Variants in DNAI2 observed in about 807,000 individuals in gnomAD.
The protein encoded by DNAI2 is dynein axonemal intermediate chain 2.
DNAI2 carries 63 observed loss-of-function variants against 74.7 expected under a neutral mutation model. The ratio of observed to expected loss-of-function variants is 0.84; its 90% CI spans 0.69 to 1.04. DNAI2 has a LOEUF of 1.04. DNAI2 is among the 50% of genes least tolerant of loss of function. The probability of loss-of-function intolerance (pLI) is 0.00; values close to 1 mark genes in which losing one functional copy is unlikely to be tolerated. For synonymous variants in DNAI2, 289 were observed against 314.9 expected, an observed-to-expected ratio of 0.92 and a Z score of 0.87; for missense variants, 688 against 803.2, an observed-to-expected ratio of 0.86 and a Z score of 1.73.
At chr17:74,302,428 G>A (rs1375410009) in intron 8 of DNAI2, among the ~76,000 whole-genome samples, 2 of 152,086 alleles carry the variant, frequency 1.3e-5, no homozygotes, top group African/African-American at 2.4e-5. Context: ...TTAGCTGGGC[G>A]TGGAGGCGCA....
intron 6 of DNAI2, among the ~76,000 whole-genome samples, chr17:74,292,852 C>A (rs144859959): frequency 6.9e-6 from 1 of 145,732 alleles, no homozygotes; most frequent in African/African-American, 2.5e-5. Context: ...TTTTTTGGGA[C>A]GGAGTCTTGC....
chr17:74,281,756 G>T (rs1450960328), intron 1 of DNAI2, 51 bp from the exon 2 acceptor site: 2 of 1,592,008 alleles, frequency 1.3e-6, no homozygotes, highest in Non-Finnish European at 1.7e-6. Context: ...TGTGGAGATA[G>T]GGAAGGGGCC....
chr17:74,309,913 T>G, intron 10 of DNAI2, 104 bp from the exon 11 acceptor site: 1 of 1,506,240 alleles, frequency 6.6e-7, no homozygotes. Context: ...CTGAGGATGT[T>G]TGAATAGGGC....
At chr17:74,306,852 A>C (rs2053218091) in intron 9 of DNAI2, among the ~76,000 whole-genome samples, 1 of 152,224 alleles carries the variant, frequency 6.6e-6, no homozygotes, top group African/African-American at 2.4e-5. Flanking sequence ...TCCTGACCTC[A>C]GGTGATTCGC....
chr17:74,309,619 T>TG (rs1014288211), intron 10 of DNAI2: 7 of 706,388 alleles, frequency 9.9e-6, no homozygotes, highest in East Asian at 8.2e-5. Flanking sequence ...CAGAACCACC[T>TG]GGGGGAAATT....
intron 6 of DNAI2, among the ~76,000 whole-genome samples, chr17:74,293,667 G>T (rs1251041509): frequency 1.3e-5 from 2 of 151,652 alleles, no homozygotes; most frequent in African/African-American, 2.4e-5. Context: ...TCATGCCACT[G>T]AACTCCAGCC....
intron 7 of DNAI2, 24 bp from the exon 8 acceptor site, chr17:74,301,022 C>T: frequency 6.2e-7 from 1 of 1,613,360 alleles, no homozygotes; most frequent in Non-Finnish European, 8.5e-7. Flanking sequence ...CTCGAAGTCT[C>T]ACTGTCGCCC....
At chr17:74,313,345 G>C (rs537728615) in intron 12 of DNAI2, among the ~76,000 whole-genome samples, 60 of 152,122 alleles carry the variant, frequency 3.9e-4, no homozygotes, top group Non-Finnish European at 7.8e-4. Flanking sequence ...GGGGTACTTG[G>C]TTATGAGATG....
At chr17:74,276,548 T>C (rs1384132582) in intron 1 of DNAI2, among the ~76,000 whole-genome samples, 1 of 152,210 alleles carries the variant, frequency 6.6e-6, no homozygotes, top group Non-Finnish European at 1.5e-5. Flanking sequence ...CTGACCTTGC[T>C]ATTCATCTGT....
At chr17:74,290,937 C>A in intron 5 of DNAI2, 83 bp from the exon 6 acceptor site, 1 of 1,225,610 alleles carries the variant, frequency 8.2e-7, no homozygotes, top group Middle Eastern at 1.9e-4. Flanking sequence ...GCCCCCGCTA[C>A]CCACCCGCAG....
chr17:74,299,927 A>G, intron 7 of DNAI2, 70 bp downstream of exon 7: 1 of 1,598,534 alleles, frequency 6.3e-7, no homozygotes, highest in East Asian at 2.2e-5. Flanking sequence ...GTTCCCCATC[A>G]GAACCCCTGG....
intron 7 of DNAI2, 121 bp downstream of exon 7, chr17:74,299,978 C>A: frequency 6.9e-7 from 1 of 1,439,496 alleles, no homozygotes; most frequent in Non-Finnish European, 9.4e-7. Context: ...GATGGAGTTT[C>A]ACTCTTGTTG....
rs1420838322 is a variant in DNAI2, at chr17:74,301,102, C to T, written c.921C>T (p.Asp307=). The change falls in exon 8 of 14, where the codon GAC becomes GAT. Residue 307 remains aspartate, a synonymous_variant. Coordinates refer to ENST00000311014, the MANE Select transcript of DNAI2 (RefSeq NM_023036.6). Reference sequence around the variant, plus strand: ...AGCCCACTGAAGTTGTGATCTTGGACATCACCAAGAAGGAACAGTTGGAAA... The same window carrying T: ...AGCCCACTGAAGTTGTGATCTTGGATATCACCAAGAAGGAACAGTTGGAAA... ...MSEPTEVVIL[D]ITKKEQLENA... The T allele has an allele frequency of 4.3e-6, 7 of 1,614,012 alleles. No homozygotes were observed. Among genetic ancestry groups the T allele is most frequent in the Non-Finnish European group, 5.1e-6 (6 of 1,180,000 alleles).
intron 10 of DNAI2, 118 bp from the exon 11 acceptor site, chr17:74,309,899 C>T (rs554124252): frequency 4.5e-6 from 6 of 1,327,320 alleles, no homozygotes; most frequent in African/African-American, 2.9e-5. Context: ...TGGGCAGAGG[C>T]GTCCTGAGGA....
Position 74,300,726 on chromosome 17 carries a change from G to A in DNAI2, c.865-320G>A, listed in dbSNP as rs1034707027. ...GCACACATGCATTTTTAACATTGCC[G>A]GATATTGCCTTATTGTGGGGAGTCT... On this transcript the variant is annotated intron_variant, in intron 7 of 13. Coordinates refer to ENST00000311014, the MANE Select transcript of DNAI2 (RefSeq NM_023036.6). This position sits in a 1 kb window ranked among gnomAD's most constrained non-coding sequence, Gnocchi z 4.5. 1.3e-5 allele frequency among the ~76,000 whole-genome samples: 2 copies of A among 152,150 alleles called. No individual in the cohort carries two copies. Among genetic ancestry groups the A allele is most frequent in the African/African-American group, 4.8e-5 (2 of 41,434 alleles).
chr17:74,287,734 C>G (rs934978854), intron 4 of DNAI2, among the ~76,000 whole-genome samples: 2 of 152,234 alleles, frequency 1.3e-5, no homozygotes, highest in African/African-American at 4.8e-5. Context: ...GCGGGTGCAT[C>G]ACCTGAGGTC....
At position 74,285,174 on chromosome 17, in the gene DNAI2, C is replaced by T. The variant is rs764812763; in HGVS notation, c.318C>T (p.Tyr106=). ...FRKKVEKDEN[Y]VNAIMQLGSI... is the part of the protein sequence containing the mutation. ...AGAAAGTGGAGAAAGATGAGAACTA[C>T]GTTAACGCCATCATGCAGCTCGGCT... is the stretch of plus-strand genomic sequence containing the variant. The change falls in exon 3 of 14, where the codon TAC becomes TAT. Residue 106 remains tyrosine, a synonymous_variant. Transcript: ENST00000311014. 4.3e-6 allele frequency: 7 copies of T among 1,614,180 alleles called. No individual in the cohort carries two copies. In the East Asian group the frequency reaches 8.9e-5, roughly 21 times the overall value.
chr17:74,296,313 G>A (rs548561056), intron 6 of DNAI2, among the ~76,000 whole-genome samples: 1 of 89,290 alleles, frequency 1.1e-5, no homozygotes, highest in African/African-American at 3.2e-5. Flanking sequence ...TGCCTTTAAA[G>A]AGAGAGAGAG....
At chr17:74,281,724 C>G in intron 1 of DNAI2, 83 bp from the exon 2 acceptor site, 1 of 1,406,170 alleles carries the variant, frequency 7.1e-7, no homozygotes, top group African/African-American at 1.4e-5. Context: ...GATTGAGAAC[C>G]TGGAGCTGTC....
Sources: allele counts gnomAD v4.1 joint callset (sites outside exome capture counted in the v4.1 genomes callset), GRCh38; gene constraint gnomAD v4.1.1; non-coding constraint Gnocchi (gnomAD v3.1); transcripts MANE v1.5; gene names NCBI Gene and HGNC (gene_info 2026-07-23, HGNC 2026-07-21).